The following SLA variants were observed in gnomAD, a reference collection of about 807,000 sequenced individuals.
The protein encoded by SLA is src-like-adapter.
A neutral mutation model predicts 30.3 loss-of-function variants in SLA; 16 were observed. The ratio of observed to expected loss-of-function variants is 0.53; its 90% CI spans 0.36 to 0.80. SLA has a LOEUF of 0.80. Among genes scored for constraint, SLA ranks in the 30% least tolerant of loss-of-function variants. SLA has a pLI of 0.01. For synonymous variants in SLA, 143 were observed against 137.8 expected (o/e 1.04, Z -0.26); for missense variants, 310 against 345.2 (o/e 0.90, Z 0.81).
At chr8:133,098,113 G>T (rs1025865802) in intron 1 of SLA, among the ~76,000 whole-genome samples, 1 of 152,122 alleles carries the variant, frequency 6.6e-6, no homozygotes, top group African/African-American at 2.4e-5. Context: ...ACCCTGAGGG[G>T]CTGAGATTTT....
At chr8:133,082,167 G>T (rs921901672) in intron 1 of SLA, among the ~76,000 whole-genome samples, 1 of 152,160 alleles carries the variant, frequency 6.6e-6, no homozygotes, top group Non-Finnish European at 1.5e-5. Flanking sequence ...TTGTCAGGCC[G>T]CATGAAGGGA....
intron 3 of SLA, among the ~76,000 whole-genome samples, chr8:133,058,028 G>A (rs996032632): frequency 2.6e-5 from 4 of 152,166 alleles, no homozygotes; most frequent in South Asian, 2.1e-4. Flanking sequence ...GACCTGCACC[G>A]TCTCCTAGGT....
At chr8:133,078,957 G>T (rs1309147494) in intron 1 of SLA, among the ~76,000 whole-genome samples, 1 of 152,094 alleles carries the variant, frequency 6.6e-6, no homozygotes, top group African/African-American at 2.4e-5. Context: ...TAGGGAGGGG[G>T]CCAGTAGAGG....
intron 1 of SLA, chr8:133,090,086 A>T (rs180756509): frequency 6.6e-6 from 1 of 152,396 alleles, no homozygotes; most frequent in Non-Finnish European, 1.5e-5. Flanking sequence ...ATGGGGCTTG[A>T]GACTTATGCT....
At chr8:133,049,841 C>G in intron 5 of SLA, 61 bp downstream of exon 5, 3 of 1,095,056 alleles carry the variant, frequency 2.7e-6, no homozygotes, top group Non-Finnish European at 4.3e-6. Context: ...CTTTGTTCCA[C>G]CTTATGAGTC....
chr8:133,054,417 C>T (rs1193764960), intron 3 of SLA, among the ~76,000 whole-genome samples: 3 of 152,140 alleles, frequency 2.0e-5, no homozygotes, highest in Non-Finnish European at 2.9e-5. Context: ...CACAGTGATG[C>T]GATTTGGGGG....
At chr8:133,080,731 C>T (rs1422993467) in intron 1 of SLA, among the ~76,000 whole-genome samples, 2 of 152,214 alleles carry the variant, frequency 1.3e-5, no homozygotes, top group Non-Finnish European at 2.9e-5. Flanking sequence ...TAGGAACTCC[C>T]CTACCACTGT....
intron 1 of SLA, among the ~76,000 whole-genome samples, chr8:133,078,428 C>T (rs12681531): frequency 0.16 from 24,842 of 152,170 alleles, 2,330 homozygotes; most frequent in Non-Finnish European, 0.21. Flanking sequence ...CTTCCCTGCT[C>T]CTCCACCACC....
Position 133,085,100 on chromosome 8 carries a change from C to A in SLA, c.-318-9970G>T, listed in dbSNP as rs142743605. Among the ~76,000 whole-genome samples, 92 of 152,328 alleles carry A rather than the reference C, an allele frequency of 6.0e-4. 2 individuals carry two copies. The highest frequency in any genetic ancestry group is 2.2e-3 in the African/African-American group (91 of 41,594). ...ACCAGCTCCGCATTACTTTTTGGTA[C>A]CTTCCTTCTCTTTCCTCCGTGTGTA... On this transcript the variant is annotated intron_variant, in intron 1 of 8. Coordinates refer to ENST00000338087, the MANE Select transcript of SLA (RefSeq NM_001045556.3).
chr8:133,064,136 C>T (rs1472627679), intron 2 of SLA: 1 of 152,118 alleles, frequency 6.6e-6, no homozygotes, highest in Non-Finnish European at 1.5e-5. Context: ...GTCTTTGGAC[C>T]AATGTTATTT....
chr8:133,055,879 C>T (rs1473142938), intron 3 of SLA, among the ~76,000 whole-genome samples: 1 of 151,262 alleles, frequency 6.6e-6, no homozygotes, highest in Non-Finnish European at 1.5e-5. Context: ...GCAGGGCGCA[C>T]AGCTCTGGGG....
intron 1 of SLA, among the ~76,000 whole-genome samples, chr8:133,098,448 A>G (rs1029664028): frequency 2.6e-5 from 4 of 152,188 alleles, no homozygotes; most frequent in Non-Finnish European, 5.9e-5. Flanking sequence ...GCATGGGCAG[A>G]CTGGGATGGA....
At chr8:133,049,078 C>A (rs917279607) in intron 5 of SLA, 15 of 440,526 alleles carry the variant, frequency 3.4e-5, no homozygotes, top group Non-Finnish European at 9.2e-6. Flanking sequence ...GGAGGTGAAG[C>A]GACTTTTACA....
chr8:133,071,201 A>C (rs1325302856), intron 2 of SLA, among the ~76,000 whole-genome samples: 1 of 152,190 alleles, frequency 6.6e-6, no homozygotes, highest in Admixed American at 6.5e-5. Context: ...GGTGTGTTAC[A>C]TGTACTCTCC....
rs1491304237 is a variant in SLA, at chr8:133,067,916, A to AAGGAAGG, written c.-41+6936_-41+6937insCCTTCCT. Reference sequence around the variant, plus strand: ...TATGGAAGGAAGGAAGGAAGGAAGGAAAGAGAGAGAGAGAGAAAGAAAGAA... The same window carrying AAGGAAGG: ...TATGGAAGGAAGGAAGGAAGGAAGGAAGGAAGGAAGAGAGAGAGAGAGAAAGAAAGAA... On this transcript the variant is annotated intron_variant, in intron 2 of 8. Transcript: ENST00000338087. Among the ~76,000 whole-genome samples, 94 of 91,926 alleles carry AAGGAAGG rather than the reference A, an allele frequency of 1.0e-3. 1 individual carries two copies. The highest frequency in any genetic ancestry group is 3.7e-3 in the African/African-American group (90 of 24,542). The allele number at this position is 91,926 out of a possible 152,430, so 60.3% of individuals were successfully genotyped here. A position where few individuals can be genotyped will look rare whatever the true frequency, so the allele number is the denominator to read the frequency against.
At chr8:133,039,566 T>C (rs1336911284) in intron 8 of SLA, among the ~76,000 whole-genome samples, 1 of 152,216 alleles carries the variant, frequency 6.6e-6, no homozygotes, top group East Asian at 1.9e-4. Flanking sequence ...TGAAAGTTTT[T>C]TTCTCTTAGA....
chr8:133,071,330 C>T (rs1843991339), intron 2 of SLA, among the ~76,000 whole-genome samples: 1 of 152,182 alleles, frequency 6.6e-6, no homozygotes, highest in African/African-American at 2.4e-5. Context: ...CTGGAAAGTG[C>T]TGGAGGTGGT....
intron 2 of SLA, among the ~76,000 whole-genome samples, chr8:133,062,390 C>A (rs1193164658): frequency 2.6e-5 from 4 of 152,250 alleles, no homozygotes; most frequent in African/African-American, 9.6e-5. Flanking sequence ...ATGTGCTTCC[C>A]CAAAATGCTT....
intron 2 of SLA, among the ~76,000 whole-genome samples, chr8:133,069,863 G>A (rs531899246): frequency 2.0e-5 from 3 of 151,860 alleles, no homozygotes; most frequent in South Asian, 4.2e-4. Context: ...TCAGCTGGGC[G>A]TGGTGGCAGG....
Sources: allele counts gnomAD v4.1 joint callset (sites outside exome capture counted in the v4.1 genomes callset), GRCh38; gene constraint gnomAD v4.1.1; transcripts MANE v1.5; gene names NCBI Gene and HGNC (gene_info 2026-07-23, HGNC 2026-07-21).